Variants in HSD3B1 observed in about 807,000 individuals in gnomAD.
HSD3B1 encodes the protein hydroxy-delta-5-steroid dehydrogenase, 3 beta- and steroid delta-isomerase 1.
Under a neutral mutation model 10.4 loss-of-function variants are expected in HSD3B1, and 11 were observed. The observed-to-expected ratio is 1.05, with a 90% CI of 0.66 to 1.75. The LOEUF (loss-of-function observed/expected upper bound fraction) is 1.75. Ranked by LOEUF, HSD3B1 falls within the 40% of genes most tolerant of loss-of-function variation. The pLI, the probability that HSD3B1 is intolerant of heterozygous loss-of-function variation, is 0.00. For synonymous variants in HSD3B1, 217 were observed against 185.4 expected (o/e 1.17, Z -1.39); for missense variants, 490 against 454.5 (o/e 1.08, Z -0.71).
intron 2 of HSD3B1, chr1:119,508,015 C>T (rs994057498): frequency 5.0e-6 from 1 of 200,084 alleles, no homozygotes; most frequent in Non-Finnish European, 1.0e-5. Context: ...ACCAATGGGT[C>T]ATTGTCTCTC....
intron 2 of HSD3B1, chr1:119,507,847 G>C (rs930604800): frequency 2.2e-6 from 1 of 455,172 alleles, no homozygotes; most frequent in Non-Finnish European, 4.0e-6. Context: ...CCCAGAACTT[G>C]AGAAGCAGCC....
chr1:119,514,621 G>C lies in HSD3B1; in HGVS notation c.1098G>C (p.Glu366Asp). The C allele has an allele frequency of 6.2e-7, 1 of 1,613,848 alleles. No individual in the cohort carries two copies. Among genetic ancestry groups the C allele is most frequent in the Non-Finnish European group, 8.5e-7 (1 of 1,179,938 alleles). Residue 366 changes from glutamate to aspartate, a missense_variant, in exon 4 of 4, where the codon GAG becomes GAC. Transcript: ENST00000369413. ...GTTCCCTTGTGGACCGGCACAAGGA[G>C]ACCCTGAAGTCCAAGACTCAGTGAT... ...WVGSLVDRHKETLKSKTQ is the reference protein window; with the variant it reads ...WVGSLVDRHKDTLKSKTQ
intron 3 of HSD3B1, among the ~76,000 whole-genome samples, chr1:119,512,107 T>C (rs1653953239): frequency 6.6e-6 from 1 of 152,220 alleles, no homozygotes; most frequent in Admixed American, 6.5e-5. Context: ...ACCTTGTGTG[T>C]AGGCTGATGA....
chr1:119,511,705 A>C, intron 3 of HSD3B1, 38 bp downstream of exon 3: 1 of 1,597,260 alleles, frequency 6.3e-7, no homozygotes, highest in Non-Finnish European at 8.6e-7. Flanking sequence ...CAAGGTGGGG[A>C]ATTAAGGATC....
Position 119,511,560 on chromosome 1 carries a change from T to G in HSD3B1, c.203T>G (p.Phe68Cys). The G allele has an allele frequency of 6.2e-7, 1 of 1,613,508 alleles. No individual in the cohort carries two copies. The highest frequency in any genetic ancestry group is 8.5e-7 in the Non-Finnish European group (1 of 1,179,692). The change falls in exon 3 of 4, where the codon TTC (phenylalanine) becomes TGC (cysteine). Residue 68 changes from phenylalanine to cysteine, a missense_variant. Phe to Cys is a radical substitution (Grantham distance 205). Transcript: ENST00000369413. The part of the protein sequence containing the change: ...VLEGDILDEP[F>C]LKRACQDVSV... ...GAAGGAGACATTCTGGATGAGCCATTCCTGAAGAGAGCCTGCCAGGACGTC... is the reference window on the plus strand; with the variant it reads ...GAAGGAGACATTCTGGATGAGCCATGCCTGAAGAGAGCCTGCCAGGACGTC...
Position 119,507,582 on chromosome 1 carries a change from G to T in HSD3B1, c.106G>T (p.Asp36Tyr). ...EKELKEIRVL[D>Y]KAFGPELREE... ...GGAGCTGAAGGAGATCAGGGTCTTG[G>T]ACAAGGCCTTCGGACCAGAATTGAG... The change falls in exon 2 of 4, where the codon GAC (aspartate) becomes TAC (tyrosine). Residue 36 changes from aspartate (D) to tyrosine (Y), a missense_variant. Transcript: ENST00000369413. The T allele has an allele frequency of 1.2e-6, 2 of 1,614,012 alleles. No homozygotes were observed. Among genetic ancestry groups the T allele is most frequent in the Non-Finnish European group, 8.5e-7 (1 of 1,179,938 alleles).
At chr1:119,509,062 T>C (rs587675455) in intron 2 of HSD3B1, among the ~76,000 whole-genome samples, 2 of 152,318 alleles carry the variant, frequency 1.3e-5, no homozygotes, top group South Asian at 4.1e-4. Context: ...AGAGAAAGCA[T>C]TCAGTGTTCT....
In HSD3B1 at chr1:119,514,383, C is replaced by T. The variant is rs772911058; in HGVS notation, c.860C>T (p.Pro287Leu). 1 of 1,614,146 alleles carries T rather than the reference C, an allele frequency of 6.2e-7. No homozygotes were observed. Among genetic ancestry groups the T allele is most frequent in the Non-Finnish European group, 8.5e-7 (1 of 1,180,020 alleles). The change falls in exon 4 of 4, where the codon CCT becomes CTT. Residue 287 changes from proline to leucine, a missense_variant. Physicochemically the swap from Pro to Leu is moderately conservative, Grantham distance 98 (BLOSUM62 -3). Transcript: ENST00000369413. ...CGCCTTGATTCCAGATGGAGCTTTC[C>T]TTTATCCCTGATGTATTGGATTGGC... is the stretch of plus-strand genomic sequence containing the variant. ...GLRLDSRWSF[P>L]LSLMYWIGFL...
chr1:119,511,472 C>A (rs1299137296), intron 2 of HSD3B1, 31 bp from the exon 3 acceptor site: 1 of 1,611,774 alleles, frequency 6.2e-7, no homozygotes. Context: ...ATACAGAAAT[C>A]ATTCCAATGA....
chr1:119,511,517 AC>A lies in HSD3B1; in HGVS notation c.162del (p.Lys55SerfsTer2), dbSNP rs1385384759. The A allele has an allele frequency of 1.2e-6, 2 of 1,613,696 alleles. No individual in the cohort carries two copies. Among genetic ancestry groups the A allele is most frequent in the Non-Finnish European group, 1.7e-6 (2 of 1,179,802 alleles). ...TGTTCACACAGAACTCCAGAACAAG[AC>A]CAAGCTGACAGTGCTGGAAGGAGAC... ...REEFSKLQNK[T>X]KLTVLEGDIL... On this transcript the variant is annotated frameshift_variant, in exon 3 of 4. Coordinates refer to ENST00000369413, the MANE Select transcript of HSD3B1 (RefSeq NM_000862.3). LOFTEE classifies it high-confidence loss of function.
chr1:119,514,553 T>C lies in HSD3B1; in HGVS notation c.1030T>C (p.Tyr344His), dbSNP rs751922624. The C allele has an allele frequency of 1.9e-6, 3 of 1,613,890 alleles. No individual in the cohort carries two copies. The South Asian group carries it at 3.3e-5, about 18-fold the overall frequency. ...AQRDLAYKPL[Y>H]SWEEAKQKTV... ...GCGAGATCTGGCGTATAAGCCACTCTACAGCTGGGAGGAAGCCAAGCAGAA... is the reference window on the plus strand; with the variant it reads ...GCGAGATCTGGCGTATAAGCCACTCCACAGCTGGGAGGAAGCCAAGCAGAA... The change falls in exon 4 of 4, where the codon TAC (tyrosine) becomes CAC (histidine). Residue 344 changes from tyrosine to histidine, a missense_variant. By Grantham distance (83) the Tyr-to-His change is moderately conservative. Coordinates refer to ENST00000369413, the MANE Select transcript of HSD3B1 (RefSeq NM_000862.3).
chr1:119,507,502 CA>C lies in HSD3B1; in HGVS notation c.27del (p.Gly10GlufsTer15). On this transcript the variant is annotated frameshift_variant, in exon 2 of 4. Coordinates refer to ENST00000369413, the MANE Select transcript of HSD3B1 (RefSeq NM_000862.3). LOFTEE classifies it high-confidence loss of function. MTGWSCLV[T>X]GAGGFLGQRI... ...ATGACGGGCTGGAGCTGCCTTGTGACAGGAGCAGGAGGGTTTCTGGGACAGA... is the reference window on the plus strand; with the variant it reads ...ATGACGGGCTGGAGCTGCCTTGTGACGGAGCAGGAGGGTTTCTGGGACAGA... 1 of 1,613,926 alleles carries C rather than the reference CA, an allele frequency of 6.2e-7. No homozygotes were observed.
chr1:119,514,188 A>G lies in HSD3B1; in HGVS notation c.665A>G (p.Asn222Ser), dbSNP rs1557896986. 6 of 1,613,572 alleles carry G rather than the reference A, an allele frequency of 3.7e-6. No individual in the cohort carries two copies. The highest frequency in any genetic ancestry group is 2.2e-5 in the South Asian group (2 of 91,078). Residue 222 changes from asparagine (N) to serine (S), a missense_variant, in exon 4 of 4, where the codon AAC becomes AGC. Asn to Ser is a conservative substitution (Grantham distance 46). Coordinates refer to ENST00000369413, the MANE Select transcript of HSD3B1 (RefSeq NM_000862.3). Reference protein sequence around the residue: ...LSSVGKFSTVNPVYVGNVAWA... With the variant: ...LSSVGKFSTVSPVYVGNVAWA... The stretch of plus-strand genomic sequence containing the variant: ...AGTGTTGGAAAGTTCTCCACTGTTA[A>G]CCCAGTCTATGTTGGCAATGTGGCC...
At chr1:119,510,417 A>G (rs1570878314) in intron 2 of HSD3B1, among the ~76,000 whole-genome samples, 1 of 152,262 alleles carries the variant, frequency 6.6e-6, no homozygotes, top group East Asian at 1.9e-4. Flanking sequence ...CAAGCAGGAA[A>G]CTGTAGGGGT....
intron 2 of HSD3B1, 45 bp from the exon 3 acceptor site, chr1:119,511,458 C>G (rs775885493): frequency 6.2e-7 from 1 of 1,602,228 alleles, no homozygotes; most frequent in Admixed American, 1.7e-5. Context: ...AACTTCTCAG[C>G]CAGATACAGA....
At chr1:119,512,438 C>T (rs1653964530) in intron 3 of HSD3B1, among the ~76,000 whole-genome samples, 1 of 152,140 alleles carries the variant, frequency 6.6e-6, no homozygotes, top group South Asian at 2.1e-4. Context: ...GGAATCTTCT[C>T]AGAAATCTCA....
In HSD3B1 at chr1:119,513,957, A is replaced by ATG; in HGVS notation, c.434_435insTG (p.Glu145AspfsTer31). 1 of 1,614,108 alleles carries ATG rather than the reference A, an allele frequency of 6.2e-7. No individual in the cohort carries two copies. Among genetic ancestry groups the ATG allele is most frequent in the African/African-American group, 1.3e-5 (1 of 75,038 alleles). ...ATCATCCAGAATGGCCATGAAGAAG[A>ATG]GCCTCTGGAAAACACATGGCCCGCT... On this transcript the variant is annotated frameshift_variant, in exon 4 of 4. Coordinates refer to ENST00000369413, the MANE Select transcript of HSD3B1 (RefSeq NM_000862.3). LOFTEE classifies it low-confidence loss of function (END_TRUNC).
chr1:119,507,379 C>A lies in HSD3B1; in HGVS notation c.-85-13C>A. The A allele has an allele frequency of 1.6e-6, 2 of 1,254,212 alleles. No homozygotes were observed. Among genetic ancestry groups the A allele is most frequent in the Non-Finnish European group, 2.3e-6 (2 of 864,492 alleles). The allele number at this position is 1,254,212 out of a possible 1,614,324, so 77.7% of individuals were successfully genotyped here. On this transcript the variant is annotated splice_polypyrimidine_tract_variant and intron_variant, in intron 1 of 3. Transcript: ENST00000369413. ...TCTGTGTGAGTATATAACCATTTGA[C>A]ATCTCTTTTTAGCCCTCTCCAGGGT...
chr1:119,513,959 C>T lies in HSD3B1; in HGVS notation c.436C>T (p.Pro146Ser), dbSNP rs199674102. ...EIIQNGHEEE[P>S]LENTWPAPYP... ...CATCCAGAATGGCCATGAAGAAGAGCCTCTGGAAAACACATGGCCCGCTCC... is the reference window on the plus strand; with the variant it reads ...CATCCAGAATGGCCATGAAGAAGAGTCTCTGGAAAACACATGGCCCGCTCC... Residue 146 changes from proline (P) to serine (S), a missense_variant, in exon 4 of 4, where the codon CCT becomes TCT. Transcript: ENST00000369413. 4.0e-5 allele frequency: 64 copies of T among 1,613,886 alleles called. No homozygotes were observed. Among genetic ancestry groups the T allele is most frequent in the Admixed American group, 6.7e-5 (4 of 59,988 alleles).
Sources: allele counts gnomAD v4.1 joint callset (sites outside exome capture counted in the v4.1 genomes callset), GRCh38; gene constraint gnomAD v4.1.1; transcripts MANE v1.5; gene names NCBI Gene and HGNC (gene_info 2026-07-23, HGNC 2026-07-21).